NCKAP5: variants seen among roughly 807,000 people sequenced by gnomAD.
The protein encoded by NCKAP5 is nck-associated protein 5.
Under a neutral mutation model 167.0 loss-of-function variants are expected in NCKAP5, and 92 were observed. The ratio of observed to expected loss-of-function variants is 0.55; its 90% confidence interval spans 0.47 to 0.66. The LOEUF is 0.66. Ranked by LOEUF, NCKAP5 falls within the 30% of genes least tolerant of loss-of-function variation. NCKAP5 has a pLI of 0.00. For synonymous variants in NCKAP5, 891 were observed against 877.4 expected (o/e 1.02, Z -0.27); for missense variants, 2,378 against 2,315.0 (o/e 1.03, Z -0.56).
At chr2:133,572,785 C>G (rs1688914263), upstream of NCKAP5, among the ~76,000 whole-genome samples, 1 of 152,150 alleles carries the variant, frequency 6.6e-6, no homozygotes, top group African/African-American at 2.4e-5. Context: ...ATCAAACAAA[C>G]TGGCATGGTG....
At chr2:132,849,841 G>A (rs1371998019) in intron 11 of NCKAP5, among the ~76,000 whole-genome samples, 1 of 152,072 alleles carries the variant, frequency 6.6e-6, no homozygotes, top group Non-Finnish European at 1.5e-5. Context: ...AAAGCTGCTC[G>A]TTAGACTGAG....
chr2:133,490,049 C>A (rs972995767), intron 3 of NCKAP5, among the ~76,000 whole-genome samples: 2 of 152,192 alleles, frequency 1.3e-5, no homozygotes, highest in African/African-American at 4.8e-5. Context: ...GCCACAGGAT[C>A]TCCAAGACAG....
At chr2:133,654,646 C>T in the NCKAP5 span, among the ~76,000 whole-genome samples, 6 of 152,142 alleles carry the variant, frequency 3.9e-5, no homozygotes, top group Non-Finnish European at 5.9e-5. Context: ...GGGAAAATGA[C>T]TATCGCATAT....
At chr2:133,650,722 A>C in the NCKAP5 span, among the ~76,000 whole-genome samples, 1 of 152,104 alleles carries the variant, frequency 6.6e-6, no homozygotes, top group Admixed American at 6.5e-5. Context: ...AGCGAGAAAA[A>C]AAAAAGAAAA....
At chr2:133,459,035 C>G (rs1177378317) in intron 3 of NCKAP5, among the ~76,000 whole-genome samples, 1 of 152,140 alleles carries the variant, frequency 6.6e-6, no homozygotes, top group African/African-American at 2.4e-5. Flanking sequence ...GATGGACCTT[C>G]CTCGGCTTTA....
intron 5 of NCKAP5, 66 bp from the exon 6 acceptor site, chr2:133,130,177 T>C: frequency 1.3e-6 from 2 of 1,530,560 alleles, no homozygotes; most frequent in Non-Finnish European, 8.8e-7. Flanking sequence ...AAATAGCTGG[T>C]TATCAAGTGA....
chr2:132,911,454 A>G (rs1694446043), intron 8 of NCKAP5, among the ~76,000 whole-genome samples: 1 of 152,150 alleles, frequency 6.6e-6, no homozygotes, highest in Admixed American at 6.5e-5. Context: ...TTATGATACT[A>G]TTCTTTTAAG....
At chr2:132,706,345 C>G (rs1159726056) in intron 19 of NCKAP5, among the ~76,000 whole-genome samples, 1 of 152,160 alleles carries the variant, frequency 6.6e-6, no homozygotes, top group Non-Finnish European at 1.5e-5. Context: ...CATCTCAGTT[C>G]TGCTGATGGA....
At chr2:133,670,608 T>A in the NCKAP5 span, among the ~76,000 whole-genome samples, 2 of 152,214 alleles carry the variant, frequency 1.3e-5, no homozygotes, top group East Asian at 3.9e-4. Flanking sequence ...TGTAGGGTGA[T>A]GAACAAGGTC....
intron 8 of NCKAP5, among the ~76,000 whole-genome samples, chr2:132,903,954 T>G (rs1693817546): frequency 6.6e-6 from 1 of 152,200 alleles, no homozygotes; most frequent in African/African-American, 2.4e-5. Context: ...ATAATTCTTT[T>G]TCTTGTGACA....
At chr2:133,418,630 C>G (rs1574920391) in intron 3 of NCKAP5, among the ~76,000 whole-genome samples, 1 of 152,138 alleles carries the variant, frequency 6.6e-6, no homozygotes, top group African/African-American at 2.4e-5. Context: ...AGGTCTACAG[C>G]CCAACATCAA....
At chr2:132,688,418 C>CGA (rs1464788354) in intron 19 of NCKAP5, among the ~76,000 whole-genome samples, 1 of 152,126 alleles carries the variant, frequency 6.6e-6, no homozygotes, top group Admixed American at 6.5e-5. Flanking sequence ...ACAAAAAAAT[C>CGA]AAAAGATTTT....
At chr2:133,626,955 CA>C in the NCKAP5 span, among the ~76,000 whole-genome samples, 1 of 151,696 alleles carries the variant, frequency 6.6e-6, no homozygotes, top group East Asian at 1.9e-4. Flanking sequence ...TTCCGGTGAA[CA>C]AAATAGTTAA....
At chr2:133,426,926 T>A (rs1689846714) in intron 3 of NCKAP5, among the ~76,000 whole-genome samples, 1 of 152,230 alleles carries the variant, frequency 6.6e-6, no homozygotes, top group Non-Finnish European at 1.5e-5. Flanking sequence ...CTGATGGTGA[T>A]ATACAGAACA....
Position 132,987,449 on chromosome 2 carries a change from C to CTT in NCKAP5, c.429+6701_429+6702dup, listed in dbSNP as rs1232966500. Among the ~76,000 whole-genome samples the CTT allele has an allele frequency of 2.6e-5, 4 of 152,246 alleles. No homozygotes were observed. In the East Asian group the frequency reaches 7.7e-4, roughly 29 times the overall value. On this transcript the variant is annotated intron_variant, in intron 7 of 19. Coordinates refer to ENST00000409261, the MANE Select transcript of NCKAP5 (RefSeq NM_207363.3). The stretch of plus-strand genomic sequence containing the variant: ...CTTAGGGATAACTGGAAAAGGGTCT[C>CTT]TTTCCCCATGCTTAATTACATCTAA...
intron 3 of NCKAP5, among the ~76,000 whole-genome samples, chr2:133,411,132 CAT>C (rs1330065288): frequency 3.3e-5 from 5 of 152,196 alleles, no homozygotes; most frequent in Non-Finnish European, 7.3e-5. Flanking sequence ...AAATGAGGAT[CAT>C]AATGATCCAT....
At chr2:132,980,959 C>G (rs748308117) in intron 7 of NCKAP5, among the ~76,000 whole-genome samples, 1 of 152,164 alleles carries the variant, frequency 6.6e-6, no homozygotes, top group African/African-American at 2.4e-5. Context: ...CAGGTGACCA[C>G]TTATAGCAGA....
At chr2:133,547,611 G>A (rs1227111339) in intron 2 of NCKAP5, among the ~76,000 whole-genome samples, 2 of 151,296 alleles carry the variant, frequency 1.3e-5, no homozygotes, top group Non-Finnish European at 3.0e-5. Flanking sequence ...CCCCCCAGCA[G>A]GGGCACACTG....
At chr2:132,984,378 C>A (rs2149277469) in intron 7 of NCKAP5, among the ~76,000 whole-genome samples, 1 of 152,244 alleles carries the variant, frequency 6.6e-6, no homozygotes, top group South Asian at 2.1e-4. Flanking sequence ...CTTTCTAGAC[C>A]CAGAAACTGC....
Sources: gnomAD v4.1 joint callset for allele counts (sites outside exome capture counted in the v4.1 genomes callset) on GRCh38, gnomAD v4.1.1 for gene constraint, MANE v1.5 for transcripts, NCBI Gene and HGNC (gene_info 2026-07-23, HGNC 2026-07-21) for gene names.